MYOF: variants seen among roughly 807,000 people sequenced by gnomAD.
MYOF encodes myoferlin.
Under a neutral mutation model 284.2 loss-of-function variants are expected in MYOF, and 244 were observed. The ratio of observed to expected loss-of-function variants is 0.86; its 90% CI spans 0.77 to 0.95. MYOF has a LOEUF of 0.95. MYOF is among the 40% of genes least tolerant of loss of function. The pLI is 0.00. For missense variants in MYOF, 2,496 were observed against 2,560.6 expected, an observed-to-expected ratio of 0.97 and a Z score of 0.54; for synonymous variants, 904 against 919.7, an observed-to-expected ratio of 0.98 and a Z score of 0.31.
At chr10:93,465,760 C>G (rs2056996517) in intron 1 of MYOF, among the ~76,000 whole-genome samples, 1 of 152,020 alleles carries the variant, frequency 6.6e-6, no homozygotes. Flanking sequence ...GGTGATCCGC[C>G]CACCTCCGCC....
chr10:93,424,190 AACAG>A, intron 5 of MYOF, among the ~76,000 whole-genome samples: 1 of 152,302 alleles, frequency 6.6e-6, no homozygotes, highest in East Asian at 1.9e-4. Flanking sequence ...GAAACTAATA[AACAG>A]GGTCTAGCTT....
chr10:93,448,460 T>TA (rs1564727418), intron 3 of MYOF, among the ~76,000 whole-genome samples: 1 of 152,172 alleles, frequency 6.6e-6, no homozygotes, highest in Non-Finnish European at 1.5e-5. Context: ...TATGTATATA[T>TA]TTTTTAGTGT....
At chr10:93,414,546 AAAAC>A (rs764405662) in intron 5 of MYOF, among the ~76,000 whole-genome samples, 13 of 152,138 alleles carry the variant, frequency 8.5e-5, no homozygotes, top group Non-Finnish European at 1.6e-4. Flanking sequence ...CTCAAAAAAC[AAAAC>A]AAACAAACAA....
intron 3 of MYOF, among the ~76,000 whole-genome samples, chr10:93,450,197 G>A (rs1008222358): frequency 6.6e-6 from 1 of 152,166 alleles, no homozygotes; most frequent in Non-Finnish European, 1.5e-5. Flanking sequence ...TTCGAGAACA[G>A]CCTGACCAAC....
At chr10:93,310,985 C>T (rs1036866678) in intron 51 of MYOF, among the ~76,000 whole-genome samples, 4 of 152,138 alleles carry the variant, frequency 2.6e-5, no homozygotes, top group African/African-American at 9.7e-5. Context: ...CCACTAATAA[C>T]AATATCTAAC....
chr10:93,361,539 A>T lies in MYOF; in HGVS notation c.2887T>A (p.Ser963Thr). 1 of 1,614,214 alleles carries T rather than the reference A, an allele frequency of 6.2e-7. No homozygotes were observed. The highest frequency in any genetic ancestry group is 8.5e-7 in the Non-Finnish European group (1 of 1,180,020). Residue 963 changes from serine (S) to threonine (T), a missense_variant, in exon 28 of 54, where the codon TCA becomes ACA. This residue lies in a region of MYOF where 2,436 missense variants were observed against 2,480.7 expected (regional missense o/e 0.98). Coordinates refer to ENST00000359263, the MANE Select transcript of MYOF (RefSeq NM_013451.4). The part of the protein sequence containing the change: ...YTDANGDKAA[S>T]PSELTCPPGW... ...GGAGGACAAGTCAACTCGCTGGGTG[A>T]TGCTGCTTTATCGCCGTTCTTACAA...
intron 36 of MYOF, among the ~76,000 whole-genome samples, chr10:93,348,493 A>G (rs114455510): frequency 8.5e-4 from 130 of 152,304 alleles, no homozygotes; most frequent in African/African-American, 2.9e-3. Flanking sequence ...ACACAGGAAT[A>G]GAAACTGGGG....
intron 1 of MYOF, among the ~76,000 whole-genome samples, chr10:93,458,642 A>C (rs1185957538): frequency 6.6e-6 from 1 of 152,148 alleles, no homozygotes; most frequent in Non-Finnish European, 1.5e-5. Flanking sequence ...AGGCAGGAGA[A>C]TCACTTGAAC....
chr10:93,334,122 G>A (rs906560530), intron 41 of MYOF, among the ~76,000 whole-genome samples: 1 of 152,150 alleles, frequency 6.6e-6, no homozygotes, highest in African/African-American at 2.4e-5. Context: ...CAGGGGAGAA[G>A]AGAGGGCAGA....
At chr10:93,316,534 CTCACTG>C (rs1447193496) in intron 50 of MYOF, among the ~76,000 whole-genome samples, 174 bp downstream of exon 50, 2 of 152,112 alleles carry the variant, frequency 1.3e-5, no homozygotes, top group Non-Finnish European at 2.9e-5. Flanking sequence ...AGGGATGGCA[CTCACTG>C]TCAGGCTGCA....
At chr10:93,422,465 T>C (rs1343543375) in intron 5 of MYOF, among the ~76,000 whole-genome samples, 1 of 152,150 alleles carries the variant, frequency 6.6e-6, no homozygotes, top group Non-Finnish European at 1.5e-5. Flanking sequence ...AGAAGGAGCC[T>C]TGGGTGGCAG....
intron 19 of MYOF, among the ~76,000 whole-genome samples, chr10:93,384,429 G>A (rs1282169902): frequency 6.6e-6 from 1 of 152,198 alleles, no homozygotes. Flanking sequence ...GATTACCTGA[G>A]GTCAGGAGTT....
rs147434403 is a variant in MYOF at position 93,398,200 on chromosome 10, G to A, written c.1222-744C>T. Among the ~76,000 whole-genome samples the A allele has an allele frequency of 1.7e-3, 261 of 152,160 alleles. 2 individuals are homozygous for A. The highest frequency in any genetic ancestry group is 6.8e-3 in the Middle Eastern group (2 of 294). On this transcript the variant is annotated intron_variant, in intron 13 of 53. Coordinates refer to ENST00000359263, the MANE Select transcript of MYOF (RefSeq NM_013451.4). ...GCAGCCACATGGGCAGGCCTTCCCT[G>A]CTAACATTTTCTTCCTTGGGGCCCT...
chr10:93,430,098 C>T (rs1021176637), intron 4 of MYOF, among the ~76,000 whole-genome samples: 2 of 151,650 alleles, frequency 1.3e-5, no homozygotes, highest in Non-Finnish European at 2.9e-5. Flanking sequence ...CCATGCCTGG[C>T]TAATTTTTTG....
At chr10:93,463,154 AC>A (rs1301663369) in intron 1 of MYOF, among the ~76,000 whole-genome samples, 4 of 152,130 alleles carry the variant, frequency 2.6e-5, no homozygotes, top group Non-Finnish European at 5.9e-5. Flanking sequence ...CAGCCTCCAA[AC>A]AAGGTTTCCG....
intron 49 of MYOF, among the ~76,000 whole-genome samples, chr10:93,317,491 G>A (rs1842662162): frequency 6.6e-6 from 1 of 152,006 alleles, no homozygotes; most frequent in Non-Finnish European, 1.5e-5. Flanking sequence ...ACAAAACATA[G>A]CTGGGTATGA....
chr10:93,329,222 T>C lies in MYOF; in HGVS notation c.4983-311A>G, dbSNP rs534708281. Among the ~76,000 whole-genome samples the C allele has an allele frequency of 1.1e-4, 17 of 152,346 alleles. No individual in the cohort carries two copies. The East Asian group carries it at 3.3e-3, about 29-fold the overall frequency. ...CTCATAAACTAGAAATTGCAAGCTA[T>C]GTCTTAATCAGATACTGTGGAAAGA... On this transcript the variant is annotated intron_variant, in intron 44 of 53. Transcript: ENST00000359263.
At chr10:93,421,530 G>A (rs546736184) in intron 5 of MYOF, among the ~76,000 whole-genome samples, 2 of 152,342 alleles carry the variant, frequency 1.3e-5, no homozygotes, top group Non-Finnish European at 2.9e-5. Context: ...CAGTGTTGGA[G>A]GTGGGGCCTA....
rs7923269 is a variant in MYOF at position 93,378,697 on chromosome 10, A to G, written c.2001+1166T>C. On this transcript the variant is annotated intron_variant, in intron 21 of 53. Transcript: ENST00000359263. The stretch of plus-strand genomic sequence containing the variant: ...TGTGTGTGTATGTGTGTGTGTGTAT[A>G]TATATATATATATATATATGTATAT... 5.5e-3 allele frequency among the ~76,000 whole-genome samples: 351 copies of G among 63,738 alleles called. 11 individuals carry two copies. Among genetic ancestry groups the G allele is most frequent in the East Asian group, 0.022 (14 of 636 alleles). The allele number at this position is 63,738 out of a possible 152,430, so 41.8% of individuals were successfully genotyped here.
Sources: gnomAD v4.1 joint callset for allele counts (sites outside exome capture counted in the v4.1 genomes callset) on GRCh38, gnomAD v4.1.1 for gene constraint, gnomAD v4.1.1 regional missense constraint, MANE v1.5 for transcripts, NCBI Gene and HGNC (gene_info 2026-07-23, HGNC 2026-07-21) for gene names.